ERBB4: variants seen among roughly 807,000 people sequenced by gnomAD.
The protein encoded by ERBB4 is erb-b2 receptor tyrosine kinase 4, also known as receptor tyrosine-protein kinase erbB-4.
In ERBB4, 42 loss-of-function variants were observed where a neutral mutation model predicts 158.0. The observed-to-expected ratio is 0.27, with a 90% CI of 0.21 to 0.34. The LOEUF is 0.34. Among genes scored for constraint, ERBB4 ranks in the 10% least tolerant of loss-of-function variants. ERBB4 has a pLI of 1.00. For synonymous variants in ERBB4, 583 were observed against 558.7 expected, an observed-to-expected ratio of 1.04 and a Z score of -0.61; for missense variants, 1,333 against 1,624.1, an observed-to-expected ratio of 0.82 and a Z score of 3.08.
At chr2:212,446,052 G>A (rs1238243509) in intron 1 of ERBB4, among the ~76,000 whole-genome samples, 1 of 152,158 alleles carries the variant, frequency 6.6e-6, no homozygotes, top group Non-Finnish European at 1.5e-5. Context: ...TTATGTAATA[G>A]TATTTGAGTT....
intron 3 of ERBB4, among the ~76,000 whole-genome samples, chr2:211,805,669 A>C (rs1364870785): frequency 6.6e-6 from 1 of 152,182 alleles, no homozygotes; most frequent in Non-Finnish European, 1.5e-5. Context: ...TGGTCTTTTC[A>C]AAACCAAAAT....
intron 25 of ERBB4, among the ~76,000 whole-genome samples, chr2:211,414,098 C>G (rs1351030459): frequency 6.6e-6 from 1 of 152,154 alleles, no homozygotes; most frequent in Non-Finnish European, 1.5e-5. Context: ...GTTGGAGACT[C>G]TCTGGGGACC....
chr2:212,148,729 G>A (rs1043739735), intron 1 of ERBB4, among the ~76,000 whole-genome samples: 7 of 149,788 alleles, frequency 4.7e-5, no homozygotes, highest in Admixed American at 2.0e-4. Context: ...TGTTTATTGC[G>A]GCATTATTCA....
chr2:212,269,692 G>C (rs138034975), intron 1 of ERBB4, among the ~76,000 whole-genome samples: 9 of 151,916 alleles, frequency 5.9e-5, no homozygotes, highest in African/African-American at 2.2e-4. Context: ...CAAAGACCCA[G>C]AGTCAAGAAT....
intron 12 of ERBB4, among the ~76,000 whole-genome samples, chr2:211,684,485 A>G (rs1559416205): frequency 6.6e-6 from 1 of 152,014 alleles, no homozygotes; most frequent in East Asian, 1.9e-4. Context: ...AAAAGAAAAG[A>G]AGAAAAGAAA....
intron 1 of ERBB4, among the ~76,000 whole-genome samples, chr2:212,386,479 A>C (rs866992327): frequency 1.3e-5 from 2 of 151,718 alleles, no homozygotes; most frequent in Admixed American, 6.6e-5. Context: ...TTCCCTCTCT[A>C]CATATGAACA....
chr2:211,496,827 C>T (rs553133850), intron 20 of ERBB4, among the ~76,000 whole-genome samples: 19 of 152,226 alleles, frequency 1.2e-4, no homozygotes, highest in Non-Finnish European at 1.0e-4. Flanking sequence ...CAAACAATCA[C>T]GTTTCTATCT....
intron 4 of ERBB4, among the ~76,000 whole-genome samples, chr2:211,780,133 G>C (rs141697674): frequency 6.6e-6 from 1 of 152,084 alleles, no homozygotes; most frequent in Non-Finnish European, 1.5e-5. Flanking sequence ...AGGCTGTGGC[G>C]GGAGGATAAC....
chr2:211,561,289 T>C (rs1264545662), intron 20 of ERBB4, among the ~76,000 whole-genome samples: 1 of 152,186 alleles, frequency 6.6e-6, no homozygotes, highest in Non-Finnish European at 1.5e-5. Context: ...CAGCTAACTC[T>C]AGTAATATTC....
At chr2:211,987,244 C>A (rs1001745064) in intron 2 of ERBB4, among the ~76,000 whole-genome samples, 4 of 146,678 alleles carry the variant, frequency 2.7e-5, no homozygotes, top group Non-Finnish European at 5.9e-5. Context: ...TCACTTGAAC[C>A]CAGGAGGTAG....
Position 212,124,697 on chromosome 2 carries a change from G to A in ERBB4, c.234+55C>T. The A allele has an allele frequency of 1.9e-6, 3 of 1,587,260 alleles. No individual in the cohort carries two copies. The Admixed American group carries it at 5.0e-5, about 26-fold the overall frequency. On this transcript the variant is annotated intron_variant, in intron 2 of 27. Coordinates refer to ENST00000342788, the MANE Select transcript of ERBB4 (RefSeq NM_005235.3). ...TATCAGCACACAGGTCTGCCTGTAT[G>A]CATCATGACGCCACTGTCCATTCAC...
intron 1 of ERBB4, among the ~76,000 whole-genome samples, chr2:212,422,263 G>A (rs977866283): frequency 1.3e-5 from 2 of 152,128 alleles, no homozygotes; most frequent in Admixed American, 6.6e-5. Flanking sequence ...GCAGCACTTT[G>A]GGAGGCCAAG....
chr2:211,975,644 A>G (rs756278170), intron 2 of ERBB4, among the ~76,000 whole-genome samples: 2 of 152,198 alleles, frequency 1.3e-5, no homozygotes, highest in South Asian at 2.1e-4. Context: ...TAAGGAGGAT[A>G]TTCTTTGGCA....
At chr2:211,709,073 TTAGTC>T (rs2106067367) in intron 9 of ERBB4, among the ~76,000 whole-genome samples, 1 of 152,090 alleles carries the variant, frequency 6.6e-6, no homozygotes, top group Non-Finnish European at 1.5e-5. Flanking sequence ...GAAGTCTGGG[TTAGTC>T]TAAAGTGGTA....
intron 2 of ERBB4, among the ~76,000 whole-genome samples, chr2:212,102,090 T>TA (rs1553558603): frequency 0.039 from 4,201 of 108,000 alleles, 218 homozygotes; most frequent in South Asian, 0.045. Context: ...AAAATTTATT[T>TA]TATATATATA....
At chr2:212,521,371 AAT>A (rs1330061465) in intron 1 of ERBB4, among the ~76,000 whole-genome samples, 2 of 151,840 alleles carry the variant, frequency 1.3e-5, no homozygotes, top group Non-Finnish European at 2.9e-5. Flanking sequence ...TTCTTCCTCA[AAT>A]AGTCTACTTA....
intron 12 of ERBB4, among the ~76,000 whole-genome samples, chr2:211,693,392 A>C (rs985335186): frequency 6.6e-6 from 1 of 152,158 alleles, no homozygotes; most frequent in Non-Finnish European, 1.5e-5. Context: ...TAAATGCAAA[A>C]AAACCCCACT....
intron 2 of ERBB4, among the ~76,000 whole-genome samples, chr2:212,052,737 A>C (rs1351826405): frequency 6.6e-6 from 1 of 152,192 alleles, no homozygotes; most frequent in Non-Finnish European, 1.5e-5. Flanking sequence ...AACCACATCC[A>C]GAGAGTGAGA....
chr2:211,703,431 CAAT>C (rs2073324958), intron 11 of ERBB4, among the ~76,000 whole-genome samples: 1 of 151,958 alleles, frequency 6.6e-6, no homozygotes, highest in Non-Finnish European at 1.5e-5. Flanking sequence ...ATTAGAAAAT[CAAT>C]GATGATATTA....
Sources: allele counts gnomAD v4.1 joint callset (sites outside exome capture counted in the v4.1 genomes callset), GRCh38; gene constraint gnomAD v4.1.1; transcripts MANE v1.5; gene names NCBI Gene and HGNC (gene_info 2026-07-23, HGNC 2026-07-21).